Variants in UMOD observed in about 807,000 individuals in gnomAD.
UMOD encodes the protein Tamm-Horsfall urinary glycoprotein.
Under a neutral mutation model 66.0 loss-of-function variants are expected in UMOD, and 64 were observed. That is an observed-to-expected ratio of 0.97 (90% confidence interval 0.79 to 1.19). UMOD has a LOEUF of 1.19. Ranked by LOEUF, UMOD falls within the 50% of genes most tolerant of loss-of-function variation. UMOD has a pLI of 0.00. For synonymous variants in UMOD, 398 were observed against 352.7 expected (o/e 1.13, Z -1.44); for missense variants, 764 against 850.9 (o/e 0.90, Z 1.27).
intron 4 of UMOD, among the ~76,000 whole-genome samples, chr16:20,346,554 TA>T (rs994716382): frequency 6.6e-6 from 1 of 152,198 alleles, no homozygotes; most frequent in Non-Finnish European, 1.5e-5. Context: ...TGGGTTCCCC[TA>T]AATGTGGGTT....
chr16:20,349,827 G>T (rs117607957), intron 2 of UMOD: 1 of 1,549,542 alleles, frequency 6.5e-7, no homozygotes, highest in African/African-American at 1.4e-5. Context: ...TCCTCTCTGC[G>T]GAGTCCTCCA....
At chr16:20,341,451 G>T in intron 6 of UMOD, 115 bp from the exon 7 acceptor site, 1 of 1,561,962 alleles carries the variant, frequency 6.4e-7, no homozygotes, top group Non-Finnish European at 8.6e-7. Context: ...TTTTTATCCA[G>T]CAATAAGAGT....
rs2141676487 is a variant in UMOD at position 20,349,011 on chromosome 16, CCTT to C, written c.287_289del (p.Glu96del). 8.2e-6 allele frequency: 13 copies of C among 1,584,846 alleles called. No individual in the cohort carries two copies. Among genetic ancestry groups the C allele is most frequent in the Non-Finnish European group, 1.1e-5 (13 of 1,165,668 alleles). On this transcript the variant is annotated inframe_deletion, in exon 3 of 11. Transcript: ENST00000396138. ...GCCGAGACCGGGCGACAGGCGGAAG[CCTT>C]CGGGGCAGACGCAGGAGAAGGAGCC...
chr16:20,343,370 G>A lies in UMOD; in HGVS notation c.1331+654C>T, dbSNP rs551168497. Among the ~76,000 whole-genome samples the A allele has an allele frequency of 6.6e-5, 10 of 152,250 alleles. No individual in the cohort carries two copies. The South Asian group carries it at 8.3e-4, about 13-fold the overall frequency. ...CCCTACCAAGACACTTGCAAGGAGC[G>A]TAATTTTTAAAATCCTCTTTAATCA... On this transcript the variant is annotated intron_variant, in intron 6 of 10. Transcript: ENST00000396138.
chr16:20,346,864 A>G (rs1383919174), intron 4 of UMOD, among the ~76,000 whole-genome samples: 2 of 142,366 alleles, frequency 1.4e-5, no homozygotes, highest in Non-Finnish European at 3.0e-5. Context: ...AACGTGAAGT[A>G]TAATAAAAAA....
At chr16:20,334,918 G>A (rs1266048718) in intron 10 of UMOD, among the ~76,000 whole-genome samples, 2 of 148,828 alleles carry the variant, frequency 1.3e-5, no homozygotes, top group South Asian at 2.1e-4. Context: ...TGCAACCTCT[G>A]CCCCCCGTGG....
intron 7 of UMOD, among the ~76,000 whole-genome samples, chr16:20,340,666 T>A (rs1238867588): frequency 6.6e-6 from 1 of 152,034 alleles, no homozygotes; most frequent in African/African-American, 2.4e-5. Flanking sequence ...TGGATGGGAA[T>A]GCTAAGGTTC....
At chr16:20,345,442 C>CTTTCTTTCTTTCTTTCT (rs773200268) in intron 5 of UMOD, among the ~76,000 whole-genome samples, 2 of 41,558 alleles carry the variant, frequency 4.8e-5, no homozygotes, top group African/African-American at 7.0e-5. Context: ...TTCTTTCTTT[C>CTTTCTTTCTTTCTTTCT]TTCCTTTCTT....
intron 7 of UMOD, among the ~76,000 whole-genome samples, 175 bp from the exon 8 acceptor site, chr16:20,337,628 T>G (rs1964960034): frequency 1.3e-5 from 2 of 152,220 alleles, no homozygotes; most frequent in African/African-American, 4.8e-5. Flanking sequence ...GCAGCCCATG[T>G]GATAAGATAG....
intron 2 of UMOD, among the ~76,000 whole-genome samples, chr16:20,349,491 A>G (rs1965783528): frequency 6.6e-6 from 1 of 152,164 alleles, no homozygotes; most frequent in African/African-American, 2.4e-5. Context: ...TAGTGCGATC[A>G]TAGCTCACCA....
intron 4 of UMOD, among the ~76,000 whole-genome samples, chr16:20,346,595 GT>G (rs971528401): frequency 2.6e-5 from 4 of 152,238 alleles, no homozygotes; most frequent in Non-Finnish European, 5.9e-5. Flanking sequence ...GTTTTGGGGG[GT>G]TTTGATGTCC....
chr16:20,340,472 G>GTGTA (rs1182201532), intron 7 of UMOD, among the ~76,000 whole-genome samples: 10 of 112,526 alleles, frequency 8.9e-5, no homozygotes, highest in African/African-American at 2.4e-4. Flanking sequence ...GTGTGTGTGT[G>GTGTA]TATATATATA....
At chr16:20,352,944 A>T, upstream of UMOD, 1 of 391,596 alleles carries the variant, frequency 2.6e-6, no homozygotes, top group Non-Finnish European at 4.5e-6. Flanking sequence ...TGTGCCCGGA[A>T]ATACAAGGTC....
chr16:20,353,493 A>G (rs1485733276), upstream of UMOD, among the ~76,000 whole-genome samples: 3 of 152,216 alleles, frequency 2.0e-5, no homozygotes, highest in Non-Finnish European at 2.9e-5. Flanking sequence ...CTCCCACAGT[A>G]GTAATAGTAA....
intron 10 of UMOD, among the ~76,000 whole-genome samples, chr16:20,334,453 G>A (rs1226938674): frequency 6.6e-6 from 1 of 152,136 alleles, no homozygotes; most frequent in Non-Finnish European, 1.5e-5. Context: ...TATGCATGCA[G>A]ACAATTGCAG....
intron 7 of UMOD, among the ~76,000 whole-genome samples, chr16:20,339,664 A>T (rs1012816294): frequency 1.3e-5 from 2 of 152,216 alleles, no homozygotes; most frequent in Middle Eastern, 3.2e-3. Context: ...TTTTCTGACA[A>T]TGCAATTAAA....
At chr16:20,335,667 C>G (rs1964831468) in intron 9 of UMOD, 147 bp from the exon 10 acceptor site, 2 of 759,374 alleles carry the variant, frequency 2.6e-6, no homozygotes, top group Middle Eastern at 2.3e-4. Context: ...TCCCCTACTT[C>G]AGACCCATCA....
At chr16:20,341,025 C>T in intron 7 of UMOD, 66 bp downstream of exon 7, 2 of 1,481,658 alleles carry the variant, frequency 1.3e-6, no homozygotes, top group Non-Finnish European at 1.9e-6. Flanking sequence ...AATTTTCCTC[C>T]ATCCAAGTCC....
At chr16:20,333,482 CT>C (rs1432210880) in intron 10 of UMOD, 107 bp from the exon 11 acceptor site, 6 of 1,023,232 alleles carry the variant, frequency 5.9e-6, no homozygotes, top group Non-Finnish European at 9.0e-6. Flanking sequence ...GACACCCTCT[CT>C]GGGCTGCTCT....
Sources: allele counts gnomAD v4.1 joint callset (sites outside exome capture counted in the v4.1 genomes callset), GRCh38; gene constraint gnomAD v4.1.1; transcripts MANE v1.5; gene names NCBI Gene and HGNC (gene_info 2026-07-23, HGNC 2026-07-21).